The following NPC1 variants were observed in gnomAD, a reference collection of about 807,000 sequenced individuals.
The protein encoded by NPC1 is Niemann-Pick C1 protein.
Under a neutral mutation model 140.4 loss-of-function variants are expected in NPC1, and 85 were observed. The observed-to-expected ratio is 0.61, with a 90% CI of 0.51 to 0.72. The LOEUF (loss-of-function observed/expected upper bound fraction) is 0.72. Among genes scored for constraint, NPC1 ranks in the 30% least tolerant of loss-of-function variants. The pLI is 0.00. For synonymous variants in NPC1, 656 were observed against 624.8 expected, an observed-to-expected ratio of 1.05 and a Z score of -0.74; for missense variants, 1,504 against 1,623.8, an observed-to-expected ratio of 0.93 and a Z score of 1.27.
At position 23,535,607 on chromosome 18, in the gene NPC1, G is replaced by A. The variant is rs1405351357; in HGVS notation, c.3339C>T (p.Thr1113=). The part of the protein sequence containing the change: ...GVSLGAIFLV[T]MVLLGCELWS... ...AGAGCTCACAGCCCAGGAGGACCAT[G>A]GTCACCAGAAATATCGCGCCCAGGG... is the stretch of plus-strand genomic sequence containing the variant. Residue 1113 remains threonine, a synonymous_variant, in exon 22 of 25, where the codon ACC becomes ACT. Coordinates refer to ENST00000269228, the MANE Select transcript of NPC1 (RefSeq NM_000271.5). 1.9e-6 allele frequency: 3 copies of A among 1,614,120 alleles called. No individual in the cohort carries two copies. The highest frequency in any genetic ancestry group is 2.2e-5 in the East Asian group (1 of 44,884).
At position 23,565,992 on chromosome 18, in the gene NPC1, GTTTTA is replaced by G. The variant is rs55786030; in HGVS notation, c.463+2826_463+2830del. Among the ~76,000 whole-genome samples the G allele has an allele frequency of 6.6e-3, 998 of 152,004 alleles. 5 individuals carry two copies. The highest frequency in any genetic ancestry group is 9.3e-3 in the Non-Finnish European group (629 of 67,976). On this transcript the variant is annotated intron_variant, in intron 4 of 24. Transcript: ENST00000269228. The stretch of plus-strand genomic sequence containing the variant: ...TTCCAGCTCACCATTTGGTTTTCAG[GTTTTA>G]TTTTATGTTTCAAGCATACAAAACA...
chr18:23,561,534 G>A lies in NPC1; in HGVS notation c.464-7C>T. ...CGGCAGGCATTGTACATTGCTAGAA[G>A]AGGAAACCCAAAGGAAAAAGGAGAC... On this transcript the variant is annotated splice_polypyrimidine_tract_variant and splice_region_variant and intron_variant, in intron 4 of 24. Transcript: ENST00000269228. 6.2e-7 allele frequency: 1 copy of A among 1,613,842 alleles called. No individual in the cohort carries two copies. The highest frequency in any genetic ancestry group is 8.5e-7 in the Non-Finnish European group (1 of 1,179,970).
rs2059420735 is a variant in NPC1 at position 23,586,451 on chromosome 18, G to GAGGAGC, written c.-114_-109dup. On this transcript the variant is annotated 5_prime_UTR_variant, in exon 1 of 25. Coordinates refer to ENST00000269228, the MANE Select transcript of NPC1 (RefSeq NM_000271.5). ...TTCAGCACCCCGCGCAGGAGGAGCG[G>GAGGAGC]AGGAGCAGGAGCAGGCGCTGACCGC... The GAGGAGC allele has an allele frequency of 2.0e-6, 3 of 1,494,274 alleles. No homozygotes were observed. Among genetic ancestry groups the GAGGAGC allele is most frequent in the Admixed American group, 2.1e-5 (1 of 46,778 alleles). 92.6% of individuals were successfully genotyped at this position (1,494,274 alleles called of 1,614,324 possible). A position where few individuals can be genotyped will look rare whatever the true frequency, so the allele number is the denominator to read the frequency against.
intron 13 of NPC1, among the ~76,000 whole-genome samples, chr18:23,543,883 C>T (rs978346272): frequency 7.9e-5 from 12 of 152,150 alleles, no homozygotes; most frequent in Non-Finnish European, 1.6e-4. Context: ...CCGCCCACGT[C>T]GGGTCTACAG....
At chr18:23,571,609 A>C (rs2059204178) in intron 3 of NPC1, among the ~76,000 whole-genome samples, 1 of 151,758 alleles carries the variant, frequency 6.6e-6, no homozygotes, top group Non-Finnish European at 1.5e-5. Flanking sequence ...AGCTGAGATC[A>C]TGCCACTGTA....
chr18:23,544,903 G>T (rs143757641), intron 12 of NPC1, 57 bp downstream of exon 12: 4 of 1,245,002 alleles, frequency 3.2e-6, no homozygotes, highest in Non-Finnish European at 4.7e-6. Context: ...AAAATATGAC[G>T]TTACACTGTG....
At chr18:23,527,223 CAAAAAAA>C (rs386387173), downstream of NPC1, among the ~76,000 whole-genome samples, 22 of 43,652 alleles carry the variant, frequency 5.0e-4, no homozygotes, top group South Asian at 2.0e-3. Context: ...CCTGTCTCTA[CAAAAAAA>C]AAAAAAAAAA....
chr18:23,529,926 CTT>C (rs1157675333), downstream of NPC1: 4 of 1,196,110 alleles, frequency 3.3e-6, no homozygotes, highest in Non-Finnish European at 3.6e-6. Context: ...TAATGACAGA[CTT>C]TTACTGTGTT....
chr18:23,520,590 G>T (rs577471247), downstream of NPC1, among the ~76,000 whole-genome samples: 1 of 152,294 alleles, frequency 6.6e-6, no homozygotes, highest in South Asian at 2.1e-4. Flanking sequence ...CTCCCAAGTA[G>T]TGGGGATTAC....
intron 24 of NPC1, chr18:23,532,943 A>G: frequency 1.0e-6 from 1 of 985,378 alleles, no homozygotes; most frequent in Non-Finnish European, 1.2e-6. Context: ...GAAAGGCAGC[A>G]AGCACTTTGC....
intron 2 of NPC1, 28 bp from the exon 3 acceptor site, chr18:23,572,208 G>A (rs761645198): frequency 2.3e-5 from 35 of 1,500,500 alleles, no homozygotes; most frequent in Non-Finnish European, 3.0e-5. Context: ...ACAGACACGG[G>A]AGTAGGCAAC....
intron 3 of NPC1, chr18:23,516,075 C>T (rs564464929): frequency 3.1e-5 from 50 of 1,592,570 alleles, no homozygotes; most frequent in Non-Finnish European, 3.9e-5. Context: ...GTGTCAGGCA[C>T]GTTAGGGACA....
intron 10 of NPC1, among the ~76,000 whole-genome samples, chr18:23,550,270 C>G (rs903515417): frequency 1.3e-5 from 2 of 151,964 alleles, no homozygotes; most frequent in African/African-American, 4.8e-5. Flanking sequence ...CTCTGCCTCC[C>G]AAATTGCTGG....
intron 1 of NPC1, among the ~76,000 whole-genome samples, chr18:23,585,277 C>T (rs2059403790): frequency 6.6e-6 from 1 of 152,272 alleles, no homozygotes; most frequent in East Asian, 1.9e-4. Context: ...GGTGTTTCAC[C>T]ATGTTGCCCC....
intron 1 of NPC1, among the ~76,000 whole-genome samples, chr18:23,585,376 C>A (rs1208506684): frequency 6.6e-6 from 1 of 152,194 alleles, no homozygotes; most frequent in Admixed American, 6.5e-5. Context: ...CATCACCTAT[C>A]CCCTTCTGAG....
Position 23,584,254 on chromosome 18 carries a change from G to A in NPC1, c.57+2033C>T, listed in dbSNP as rs528942753. Among the ~76,000 whole-genome samples the A allele has an allele frequency of 3.9e-5, 6 of 152,230 alleles. No individual in the cohort carries two copies. In the South Asian group the frequency reaches 1.2e-3, roughly 32 times the overall value. On this transcript the variant is annotated intron_variant, in intron 1 of 24. Transcript: ENST00000269228. Reference sequence around the variant, plus strand: ...AATTCCATGATAGAACTCTACTAGCGCTCAGACTGAAGCTAATGAGCTGCT... The same window carrying A: ...AATTCCATGATAGAACTCTACTAGCACTCAGACTGAAGCTAATGAGCTGCT...
chr18:23,534,925 C>T (rs1324775898), intron 22 of NPC1, among the ~76,000 whole-genome samples: 2 of 152,210 alleles, frequency 1.3e-5, no homozygotes, highest in Admixed American at 6.5e-5. Context: ...TACGGATACA[C>T]TGTTCTATTT....
At chr18:23,561,562 G>A (rs774273153) in intron 4 of NPC1, 35 bp from the exon 5 acceptor site, 2 of 1,608,932 alleles carry the variant, frequency 1.2e-6, no homozygotes, top group South Asian at 1.1e-5. Flanking sequence ...AAGGAGACAA[G>A]ATGCTTGCTG....
intron 1 of NPC1, chr18:23,582,243 A>G (rs1460450414): frequency 1.3e-5 from 2 of 152,336 alleles, no homozygotes; most frequent in Middle Eastern, 3.4e-3. Flanking sequence ...AGGGACAGTA[A>G]TAAGATAAAA....
Sources: gnomAD v4.1 joint callset for allele counts (sites outside exome capture counted in the v4.1 genomes callset) on GRCh38, gnomAD v4.1.1 for gene constraint, MANE v1.5 for transcripts, NCBI Gene and HGNC (gene_info 2026-07-23, HGNC 2026-07-21) for gene names.